The following ADGRV1 variants were observed in gnomAD, a reference collection of about 807,000 sequenced individuals.
ADGRV1 encodes the protein adhesion G protein-coupled receptor V1, also known as G-protein coupled receptor 98.
A neutral mutation model predicts 596.2 loss-of-function variants in ADGRV1; 359 were observed. The observed-to-expected ratio is 0.60, with a 90% CI of 0.55 to 0.66. The LOEUF (loss-of-function observed/expected upper bound fraction) is 0.66, where lower values mean the gene tolerates loss of function less well. Among genes scored for constraint, ADGRV1 ranks in the 30% least tolerant of loss-of-function variants. The probability of loss-of-function intolerance (pLI) is 0.00; values close to 1 mark genes in which losing one functional copy is unlikely to be tolerated. For missense variants in ADGRV1, 7,274 were observed against 7,575.6 expected, an observed-to-expected ratio of 0.96 and a Z score of 1.48; for synonymous variants, 2,681 against 2,679.2, an observed-to-expected ratio of 1.00 and a Z score of -0.02.
intron 83 of ADGRV1, among the ~76,000 whole-genome samples, chr5:90,938,469 G>A (rs1028370463): frequency 6.6e-6 from 1 of 152,148 alleles, no homozygotes; most frequent in Non-Finnish European, 1.5e-5. Context: ...TGAGACTGGC[G>A]ATGTTTGAGT....
rs768465741 is a variant in ADGRV1, at chr5:90,745,133, C to T, written c.10637C>T (p.Pro3546Leu). 1.9e-6 allele frequency: 3 copies of T among 1,613,532 alleles called. No homozygotes were observed. In the Admixed American group the frequency reaches 5.0e-5, roughly 27 times the overall value. The part of the protein sequence containing the change: ...RNQFSFVLEV[P>L]SAYDVASVTV... ...CAATTCTCTTTTGTTCTGGAAGTAC[C>T]TTCTGCTTATGATGTGGCTTCTGTT... is the stretch of plus-strand genomic sequence containing the variant. The change falls in exon 51 of 90, where the codon CCT (proline) becomes CTT (leucine). Residue 3546 changes from proline (P) to leucine (L), a missense_variant. By Grantham distance (98) the Pro-to-Leu change is moderately conservative (BLOSUM62 -3). Around this residue, in one of 5 missense-constraint regions of ADGRV1, gnomAD observed 3,643 missense variants for 3,809.2 expected, o/e 0.96. Transcript: ENST00000405460.
intron 85 of ADGRV1, among the ~76,000 whole-genome samples, chr5:91,037,183 G>T (rs1784980805): frequency 6.6e-6 from 1 of 152,180 alleles, no homozygotes; most frequent in African/African-American, 2.4e-5. Context: ...CACAGCTGAG[G>T]ATATCCAAGT....
chr5:90,884,564 C>T (rs552110080), intron 83 of ADGRV1, among the ~76,000 whole-genome samples: 3 of 152,068 alleles, frequency 2.0e-5, no homozygotes, highest in African/African-American at 4.8e-5. Flanking sequence ...TGGTATGTAT[C>T]AGGTGCCTAT....
At chr5:90,685,726 G>C (rs1580731206) in intron 28 of ADGRV1, 54 bp from the exon 29 acceptor site, 1 of 1,404,404 alleles carries the variant, frequency 7.1e-7, no homozygotes, top group Non-Finnish European at 9.8e-7. Context: ...CTTTTGGCCA[G>C]TTCTTAGAAT....
In ADGRV1 at chr5:91,153,340, A is replaced by G; in HGVS notation, c.18744A>G (p.Ser6248=). 1.2e-6 allele frequency: 2 copies of G among 1,612,422 alleles called. No individual in the cohort carries two copies. The highest frequency in any genetic ancestry group is 1.7e-6 in the Non-Finnish European group (2 of 1,179,216). The part of the protein sequence containing the change: ...FPSSGGYGQG[S]LIADEESQEF... Reference sequence around the variant, plus strand: ...CCTCTGGAGGATATGGCCAGGGGTCACTGATAGCCGATGAGGAGTCCCAGG... The same window carrying G: ...CCTCTGGAGGATATGGCCAGGGGTCGCTGATAGCCGATGAGGAGTCCCAGG... Residue 6248 remains serine, a synonymous_variant, in exon 89 of 90, where the codon TCA becomes TCG. Transcript: ENST00000405460.
rs144918959 is a variant in ADGRV1 at position 90,642,947 on chromosome 5, A to T, written c.2459A>T (p.Asn820Ile). The change falls in exon 13 of 90, where the codon AAT (asparagine) becomes ATT (isoleucine). Residue 820 changes from asparagine (N) to isoleucine (I), a missense_variant. Around this residue, in one of 5 missense-constraint regions of ADGRV1, gnomAD observed 1,715 missense variants for 1,708.8 expected, o/e 1.00. Transcript: ENST00000405460. ...TACCGAGTAGAGCCAAGAGATAGCA[A>T]TGAATTCTATGGAAACACGGGAGTA... ...LHYRVEPRDS[N>I]EFYGNTGVLE... 6.2e-7 allele frequency: 1 copy of T among 1,613,510 alleles called. No homozygotes were observed. Among genetic ancestry groups the T allele is most frequent in the Admixed American group, 1.7e-5 (1 of 59,978 alleles).
chr5:90,635,509 C>T (rs1202697977), intron 10 of ADGRV1, among the ~76,000 whole-genome samples: 1 of 152,078 alleles, frequency 6.6e-6, no homozygotes, highest in Non-Finnish European at 1.5e-5. Context: ...ATTAATTGCT[C>T]ACAGTGAGTG....
At chr5:90,905,250 AT>A (rs1185745322) in intron 83 of ADGRV1, among the ~76,000 whole-genome samples, 1 of 151,760 alleles carries the variant, frequency 6.6e-6, no homozygotes, top group Non-Finnish European at 1.5e-5. Context: ...AAAGTTTAGG[AT>A]TTTTTTCCAT....
chr5:90,795,258 C>A (rs1760565291), intron 70 of ADGRV1, among the ~76,000 whole-genome samples: 1 of 152,122 alleles, frequency 6.6e-6, no homozygotes, highest in Non-Finnish European at 1.5e-5. Context: ...GTTTGAAATT[C>A]TCGCTGCCAG....
Position 90,811,336 on chromosome 5 carries a change from C to T in ADGRV1, c.16076C>T (p.Thr5359Ile), listed in dbSNP as rs1226450081. 1.3e-6 allele frequency: 2 copies of T among 1,581,348 alleles called. No individual in the cohort carries two copies. The highest frequency in any genetic ancestry group is 2.2e-5 in the East Asian group (1 of 44,582). The change falls in exon 74 of 90, where the codon ACA becomes ATA. Residue 5359 changes from threonine (T) to isoleucine (I), a missense_variant and splice_region_variant. This residue lies in a region of ADGRV1 where 1,874 missense variants were observed against 1,970.2 expected (regional missense o/e 0.95). Coordinates refer to ENST00000405460, the MANE Select transcript of ADGRV1 (RefSeq NM_032119.4). The stretch of plus-strand genomic sequence containing the variant: ...GCAGCTTTTGCCATGGTTATTATTA[C>T]AGGTATATCTTTGAAATGATGGAGA... ...GFAAFAMVII[T>I]GSDLHNGIIG... is the part of the protein sequence containing the mutation.
Position 90,646,079 on chromosome 5 carries a change from A to G in ADGRV1, c.3010A>G (p.Ile1004Val). The G allele has an allele frequency of 1.3e-6, 2 of 1,571,808 alleles. No individual in the cohort carries two copies. Among genetic ancestry groups the G allele is most frequent in the Non-Finnish European group, 1.7e-6 (2 of 1,158,112 alleles). Residue 1004 changes from isoleucine to valine, a missense_variant, in exon 16 of 90, where the codon ATT becomes GTT. Physicochemically the swap from Ile to Val is conservative, Grantham distance 29 (BLOSUM62 3). This residue lies in a region of ADGRV1 where 1,715 missense variants were observed against 1,708.8 expected (regional missense o/e 1.00). Transcript: ENST00000405460. ...GAGGATTAGAAGAAATGATGACCCCATTTATTTTGCAGGTGGTATTGCTGT... is the reference window on the plus strand; with the variant it reads ...GAGGATTAGAAGAAATGATGACCCCGTTTATTTTGCAGGTGGTATTGCTGT... ...TLRIRRNDDP[I>V]YFAEPRVVRV...
chr5:91,127,058 A>G (rs1440823267), intron 87 of ADGRV1, among the ~76,000 whole-genome samples: 1 of 152,104 alleles, frequency 6.6e-6, no homozygotes, highest in Non-Finnish European at 1.5e-5. Context: ...CTTCCCAACA[A>G]CCTGAACAAA....
At chr5:90,603,721 A>G (rs73179757) in intron 1 of ADGRV1, among the ~76,000 whole-genome samples, 6,016 of 151,802 alleles carry the variant, frequency 0.04, 346 homozygotes, top group African/African-American at 0.13. Flanking sequence ...TTGGGGCCCA[A>G]CACCCCAGGA....
rs1286022482 is a variant in ADGRV1, at chr5:90,927,349, T to A, written c.17857-38066T>A. ...TGGGTGCATATATATTTAGGATAGTTAGCTCTTGTTGTTGAATTGATCCCT... is the reference window on the plus strand; with the variant it reads ...TGGGTGCATATATATTTAGGATAGTAAGCTCTTGTTGTTGAATTGATCCCT... On this transcript the variant is annotated intron_variant, in intron 83 of 89. Coordinates refer to ENST00000405460, the MANE Select transcript of ADGRV1 (RefSeq NM_032119.4). Among the ~76,000 whole-genome samples, 5 of 152,070 alleles carry A rather than the reference T, an allele frequency of 3.3e-5. No individual in the cohort carries two copies. In the South Asian group the frequency reaches 8.3e-4, roughly 25 times the overall value.
At chr5:90,838,065 T>A (rs1169472137) in intron 77 of ADGRV1, among the ~76,000 whole-genome samples, 1 of 152,190 alleles carries the variant, frequency 6.6e-6, no homozygotes, top group Non-Finnish European at 1.5e-5. Flanking sequence ...CAATCATATG[T>A]CTGTGAACTA....
intron 87 of ADGRV1, among the ~76,000 whole-genome samples, chr5:91,118,403 T>C (rs1005947014): frequency 2.0e-5 from 3 of 152,166 alleles, no homozygotes; most frequent in Non-Finnish European, 4.4e-5. Flanking sequence ...AATTATTTTT[T>C]GTAAATACCA....
At chr5:90,816,444 G>T (rs1381396350) in intron 75 of ADGRV1, among the ~76,000 whole-genome samples, 16 of 150,118 alleles carry the variant, frequency 1.1e-4, no homozygotes, top group Admixed American at 1.1e-3. Context: ...AAGTTTTAGG[G>T]TACATGTGCA....
At chr5:90,658,337 G>C in intron 21 of ADGRV1, 59 bp downstream of exon 21, 4 of 1,432,794 alleles carry the variant, frequency 2.8e-6, no homozygotes, top group Non-Finnish European at 1.8e-6. Flanking sequence ...GGATTTGTTT[G>C]GGACTCGGCT....
chr5:91,159,043 T>C (rs1203650097), intron 89 of ADGRV1, among the ~76,000 whole-genome samples: 1 of 152,218 alleles, frequency 6.6e-6, no homozygotes, highest in Non-Finnish European at 1.5e-5. Context: ...ACTAAAATGC[T>C]TGCATTAATT....
Sources: allele counts gnomAD v4.1 joint callset (sites outside exome capture counted in the v4.1 genomes callset), GRCh38; gene constraint gnomAD v4.1.1; regional missense constraint gnomAD v4.1.1; transcripts MANE v1.5; gene names NCBI Gene and HGNC (gene_info 2026-07-23, HGNC 2026-07-21).